The following LAMA2 variants were observed in gnomAD, a reference collection of about 807,000 sequenced individuals.
LAMA2 encodes the protein laminin subunit alpha 2, also known as laminin subunit alpha-2.
A neutral mutation model predicts 364.8 loss-of-function variants in LAMA2; 269 were observed. The observed-to-expected ratio is 0.74, with a 90% confidence interval of 0.67 to 0.82. The LOEUF (loss-of-function observed/expected upper bound fraction) is 0.82, where lower values mean the gene tolerates loss of function less well. Among genes scored for constraint, LAMA2 ranks in the 40% least tolerant of loss-of-function variants. LAMA2 has a pLI of 0.00. For missense variants in LAMA2, 3,807 were observed against 3,873.2 expected (o/e 0.98, Z 0.45); for synonymous variants, 1,379 against 1,370.6 (o/e 1.01, Z -0.14).
chr6:129,370,925 G>A (rs1778037564), intron 34 of LAMA2, among the ~76,000 whole-genome samples: 1 of 152,134 alleles, frequency 6.6e-6, no homozygotes, highest in South Asian at 2.1e-4. Flanking sequence ...AGCACATAAT[G>A]CTAAACAACG....
intron 1 of LAMA2, among the ~76,000 whole-genome samples, chr6:128,961,997 T>G (rs1329601910): frequency 2.7e-5 from 4 of 150,534 alleles, no homozygotes; most frequent in East Asian, 2.0e-4. Flanking sequence ...TAACACTTCT[T>G]GCTGTGGTTT....
intron 4 of LAMA2, among the ~76,000 whole-genome samples, chr6:129,110,753 A>G (rs919828089): frequency 6.6e-5 from 10 of 151,948 alleles, no homozygotes; most frequent in African/African-American, 2.2e-4. Flanking sequence ...CTGATGGCAA[A>G]CCTTATAATC....
At chr6:129,166,842 T>G (rs1373628288) in intron 9 of LAMA2, among the ~76,000 whole-genome samples, 2 of 152,068 alleles carry the variant, frequency 1.3e-5, no homozygotes, top group Admixed American at 1.3e-4. Flanking sequence ...ATGTGATGAG[T>G]TTCCCCAAAA....
chr6:129,493,959 T>C (rs1321458407), intron 58 of LAMA2, among the ~76,000 whole-genome samples: 1 of 152,222 alleles, frequency 6.6e-6, no homozygotes, highest in Non-Finnish European at 1.5e-5. Flanking sequence ...GATGAGCTCC[T>C]CTATGCATCA....
intron 53 of LAMA2, 65 bp from the exon 54 acceptor site, chr6:129,478,628 G>T: frequency 6.4e-7 from 1 of 1,571,414 alleles, no homozygotes; most frequent in Non-Finnish European, 8.8e-7. Context: ...CCTTCCCATA[G>T]TCAGAGACTA....
intron 4 of LAMA2, among the ~76,000 whole-genome samples, chr6:129,112,561 G>C (rs1314984208): frequency 6.6e-6 from 1 of 151,900 alleles, no homozygotes; most frequent in Non-Finnish European, 1.5e-5. Context: ...TCAACATTTA[G>C]CTATTTTTTT....
intron 61 of LAMA2, among the ~76,000 whole-genome samples, chr6:129,505,680 TTGTACTTTTAATAGAGACGGGG>T (rs950368890): frequency 4.6e-5 from 7 of 152,078 alleles, no homozygotes; most frequent in East Asian, 2.0e-4. Context: ...GGCTAATTTT[TTGTACTTTTAATAGAGACGGGG>T]TGTACTTTTA....
intron 40 of LAMA2, among the ~76,000 whole-genome samples, chr6:129,415,125 A>T (rs1286252308): frequency 1.3e-5 from 2 of 152,140 alleles, no homozygotes; most frequent in African/African-American, 2.4e-5. Flanking sequence ...TTATGTCCTC[A>T]TTCTTCCCTT....
chr6:129,473,344 A>C lies in LAMA2; in HGVS notation c.7431A>C (p.Arg2477Ser). ...KIYFGGLPTL[R>S]NLSMKARPEV... ...ATTTTGGTGGCCTGCCAACGCTGAGAAACTTGAGGTAATTTAGTTTATATG... is the reference window on the plus strand; with the variant it reads ...ATTTTGGTGGCCTGCCAACGCTGAGCAACTTGAGGTAATTTAGTTTATATG... The change falls in exon 52 of 65, where the codon AGA (arginine) becomes AGC (serine). Residue 2477 changes from arginine to serine, a missense_variant. Arg to Ser is a moderately radical substitution (Grantham distance 110). Transcript: ENST00000421865. The C allele has an allele frequency of 6.2e-7, 1 of 1,612,340 alleles. No individual in the cohort carries two copies. Among genetic ancestry groups the C allele is most frequent in the Non-Finnish European group, 8.5e-7 (1 of 1,178,836 alleles).
chr6:129,101,405 CT>C (rs1775512875), intron 4 of LAMA2, among the ~76,000 whole-genome samples: 1 of 152,162 alleles, frequency 6.6e-6, no homozygotes, highest in South Asian at 2.1e-4. Flanking sequence ...CAGTTATTTT[CT>C]TTTGGCACAT....
intron 1 of LAMA2, among the ~76,000 whole-genome samples, chr6:128,996,733 C>T (rs1196951439): frequency 6.6e-6 from 1 of 152,210 alleles, no homozygotes; most frequent in East Asian, 1.9e-4. Flanking sequence ...CCTCAAGGAT[C>T]TAGAACCGGA....
chr6:129,315,312 T>G (rs1024902871), intron 24 of LAMA2, among the ~76,000 whole-genome samples, 164 bp from the exon 25 acceptor site: 2 of 152,218 alleles, frequency 1.3e-5, no homozygotes, highest in Non-Finnish European at 2.9e-5. Flanking sequence ...TCAAAAAGAT[T>G]TACGTCCTGC....
chr6:129,155,679 TA>T (rs1779070881), intron 8 of LAMA2, among the ~76,000 whole-genome samples: 1 of 152,140 alleles, frequency 6.6e-6, no homozygotes, highest in Non-Finnish European at 1.5e-5. Context: ...CAATTGATCA[TA>T]TTACATGGAT....
At chr6:129,202,786 A>G (rs1000315352) in intron 12 of LAMA2, among the ~76,000 whole-genome samples, 2 of 152,232 alleles carry the variant, frequency 1.3e-5, no homozygotes, top group South Asian at 4.1e-4. Context: ...TGAAGAAAAA[A>G]CAAAGATTGT....
At chr6:129,046,705 A>T (rs924529767) in intron 1 of LAMA2, among the ~76,000 whole-genome samples, 7 of 152,206 alleles carry the variant, frequency 4.6e-5, no homozygotes, top group African/African-American at 1.2e-4. Context: ...ACATAATCTT[A>T]TATGTTGAAA....
At chr6:128,969,077 T>C (rs1384295593) in intron 1 of LAMA2, among the ~76,000 whole-genome samples, 1 of 152,120 alleles carries the variant, frequency 6.6e-6, no homozygotes, top group Admixed American at 6.6e-5. Flanking sequence ...GTTACTCTTA[T>C]TTACTTATGG....
At chr6:128,893,070 T>A (rs1317952816) in intron 1 of LAMA2, among the ~76,000 whole-genome samples, 4 of 151,918 alleles carry the variant, frequency 2.6e-5, no homozygotes, top group African/African-American at 9.7e-5. Flanking sequence ...ATTAGAAAAG[T>A]CACTGGATTT....
At chr6:129,051,924 A>C (rs2114778727) in intron 2 of LAMA2, among the ~76,000 whole-genome samples, 1 of 151,612 alleles carries the variant, frequency 6.6e-6, no homozygotes, top group East Asian at 2.0e-4. Context: ...ATGTGTGTTT[A>C]GGATGGGCTG....
At chr6:129,261,338 C>T (rs561302615) in intron 15 of LAMA2, among the ~76,000 whole-genome samples, 7 of 152,010 alleles carry the variant, frequency 4.6e-5, no homozygotes, top group Non-Finnish European at 1.0e-4. Context: ...AAACTGCCTA[C>T]AGGTCTTTGA....
Sources: allele counts gnomAD v4.1 joint callset (sites outside exome capture counted in the v4.1 genomes callset), GRCh38; gene constraint gnomAD v4.1.1; transcripts MANE v1.5; gene names NCBI Gene and HGNC (gene_info 2026-07-23, HGNC 2026-07-21).